Variants in SLMAP observed in about 807,000 individuals in gnomAD.
SLMAP encodes the protein sarcolemmal membrane-associated protein.
A neutral mutation model predicts 128.8 loss-of-function variants in SLMAP; 44 were observed. The observed-to-expected ratio is 0.34, with a 90% confidence interval of 0.27 to 0.44. The LOEUF is 0.44. SLMAP is among the 20% of genes least tolerant of loss of function. The probability of loss-of-function intolerance (pLI) is 1.00; values close to 1 mark genes in which losing one functional copy is unlikely to be tolerated. For synonymous variants in SLMAP, 327 were observed against 348.8 expected (o/e 0.94, Z 0.70); for missense variants, 787 against 985.3 (o/e 0.80, Z 2.69).
At chr3:57,771,966 CAGTT>C (rs1219177565) in intron 2 of SLMAP, among the ~76,000 whole-genome samples, 9 of 152,112 alleles carry the variant, frequency 5.9e-5, no homozygotes, top group Admixed American at 2.0e-4. Context: ...TCTAGTCAGT[CAGTT>C]AGGAAAAATA....
chr3:57,853,139 TG>T (rs1056067796), intron 6 of SLMAP, among the ~76,000 whole-genome samples: 28 of 152,350 alleles, frequency 1.8e-4, no homozygotes, highest in African/African-American at 6.3e-4. Flanking sequence ...TTGATGGTTT[TG>T]TTTTTCAGTA....
rs148682609 is a variant in SLMAP, at chr3:57,891,889, C to T, written c.1360+1789C>T. 1.4e-3 allele frequency among the ~76,000 whole-genome samples: 220 copies of T among 151,832 alleles called. 1 individual carries two copies. The highest frequency in any genetic ancestry group is 4.6e-3 in the African/African-American group (193 of 41,514). ...ACCATGTCCGGCCTGGGTTTTTAAT[C>T]TTAAAGAACAAATTGGACTAATGAG... On this transcript the variant is annotated intron_variant, in intron 15 of 24. Coordinates refer to ENST00000671191, the MANE Select transcript of SLMAP (RefSeq NM_001377540.1).
At chr3:57,854,891 TGA>T (rs2094695059) in intron 6 of SLMAP, among the ~76,000 whole-genome samples, 1 of 152,188 alleles carries the variant, frequency 6.6e-6, no homozygotes, top group Non-Finnish European at 1.5e-5. Flanking sequence ...TGTCTTTGTG[TGA>T]ACATTATACA....
At position 57,789,397 on chromosome 3, in the gene SLMAP, G is replaced by T. The variant is rs1259949758; in HGVS notation, c.198+31548G>T. 2.0e-5 allele frequency among the ~76,000 whole-genome samples: 3 copies of T among 152,146 alleles called. No homozygotes were observed. In the East Asian group the frequency reaches 5.8e-4, roughly 29 times the overall value. Reference sequence around the variant, plus strand: ...AAATTACTAAGAGGAAACATCAGGGGTAAGGGGGATTCTGGCTAAATCGAC... The same window carrying T: ...AAATTACTAAGAGGAAACATCAGGGTTAAGGGGGATTCTGGCTAAATCGAC... On this transcript the variant is annotated intron_variant, in intron 2 of 24. Coordinates refer to ENST00000671191, the MANE Select transcript of SLMAP (RefSeq NM_001377540.1).
chr3:57,802,585 A>G (rs2088802453), intron 2 of SLMAP, among the ~76,000 whole-genome samples: 1 of 152,102 alleles, frequency 6.6e-6, no homozygotes, highest in Admixed American at 6.5e-5. Context: ...TCTGTAACAG[A>G]TTTGCATATT....
chr3:57,781,949 G>A (rs2083177889), intron 2 of SLMAP, among the ~76,000 whole-genome samples: 1 of 152,044 alleles, frequency 6.6e-6, no homozygotes, highest in South Asian at 2.1e-4. Flanking sequence ...GGCCAGGCTG[G>A]TCTCGAATTC....
chr3:57,823,584 G>T (rs571574619), intron 2 of SLMAP, among the ~76,000 whole-genome samples: 5 of 152,316 alleles, frequency 3.3e-5, no homozygotes, highest in African/African-American at 9.6e-5. Context: ...ATTCCATGGT[G>T]TATATGTGCC....
intron 17 of SLMAP, chr3:57,899,138 A>AT (rs1324505125): frequency 1.3e-5 from 2 of 152,172 alleles, no homozygotes; most frequent in African/African-American, 4.8e-5. Context: ...TTTGTAATGG[A>AT]TTTTTTCTAA....
chr3:57,923,390 AAG>A (rs1332421303), intron 23 of SLMAP, among the ~76,000 whole-genome samples: 3 of 152,168 alleles, frequency 2.0e-5, no homozygotes, highest in Non-Finnish European at 4.4e-5. Flanking sequence ...GGATCCATTT[AAG>A]AGAGAGTAGT....
chr3:57,782,530 C>T (rs1439736142), intron 2 of SLMAP, among the ~76,000 whole-genome samples: 3 of 152,112 alleles, frequency 2.0e-5, no homozygotes, highest in Non-Finnish European at 4.4e-5. Context: ...TGGAGTGTAG[C>T]GGCATGATCT....
intron 2 of SLMAP, among the ~76,000 whole-genome samples, chr3:57,830,008 T>C (rs1424140660): frequency 6.6e-6 from 1 of 152,218 alleles, no homozygotes; most frequent in African/African-American, 2.4e-5. Context: ...TTTTCCTTTA[T>C]AAATGAAAGT....
intron 2 of SLMAP, among the ~76,000 whole-genome samples, chr3:57,826,057 A>T (rs1160080853): frequency 6.6e-6 from 1 of 152,030 alleles, no homozygotes; most frequent in Non-Finnish European, 1.5e-5. Context: ...GTTTTAAAAA[A>T]TTTTACCCTT....
At chr3:57,864,936 AT>A in intron 12 of SLMAP, 79 bp downstream of exon 12, 1 of 1,095,158 alleles carries the variant, frequency 9.1e-7, no homozygotes, top group Non-Finnish European at 1.3e-6. Flanking sequence ...CTCACACTGC[AT>A]TTTTTAAGGG....
chr3:57,817,138 G>A (rs1390705741), intron 2 of SLMAP, among the ~76,000 whole-genome samples: 1 of 152,154 alleles, frequency 6.6e-6, no homozygotes, highest in Non-Finnish European at 1.5e-5. Flanking sequence ...AATAAGTCTA[G>A]CATCAGTGTG....
At chr3:57,876,297 ATGAAT>A (rs1302506190) in intron 14 of SLMAP, among the ~76,000 whole-genome samples, 1 of 152,230 alleles carries the variant, frequency 6.6e-6, no homozygotes, top group African/African-American at 2.4e-5. Flanking sequence ...TAGAAAATAA[ATGAAT>A]TGAAACACAT....
At chr3:57,919,162 C>T (rs755344402) in intron 22 of SLMAP, among the ~76,000 whole-genome samples, 19 of 152,298 alleles carry the variant, frequency 1.2e-4, no homozygotes, top group Non-Finnish European at 2.4e-4. Context: ...GGGCAGCTCA[C>T]CTGAGGTCAG....
intron 13 of SLMAP, among the ~76,000 whole-genome samples, chr3:57,866,869 T>A (rs1264928563): frequency 2.0e-5 from 3 of 150,668 alleles, no homozygotes; most frequent in Non-Finnish European, 4.4e-5. Flanking sequence ...AGTGAGACCC[T>A]GTCTCAAAAA....
chr3:57,805,171 AT>A (rs958506209), intron 2 of SLMAP, among the ~76,000 whole-genome samples: 25 of 151,770 alleles, frequency 1.6e-4, no homozygotes, highest in Middle Eastern at 3.4e-3. Context: ...TCCTTCAAGC[AT>A]TTTTTTTCCC....
intron 2 of SLMAP, among the ~76,000 whole-genome samples, chr3:57,829,337 A>G (rs563928365): frequency 6.6e-6 from 1 of 152,296 alleles, no homozygotes; most frequent in Admixed American, 6.5e-5. Context: ...GTAACCCACT[A>G]ATGTATCAGA....
Sources: allele counts gnomAD v4.1 joint callset (sites outside exome capture counted in the v4.1 genomes callset), GRCh38; gene constraint gnomAD v4.1.1; transcripts MANE v1.5; gene names NCBI Gene and HGNC (gene_info 2026-07-23, HGNC 2026-07-21).